MAPK4: variants seen among roughly 807,000 people sequenced by gnomAD.
The protein encoded by MAPK4 is Erk3-related.
MAPK4 carries 22 observed loss-of-function variants against 47.7 expected under a neutral mutation model. That is an observed-to-expected ratio of 0.46 (90% CI 0.33 to 0.66). MAPK4 has a LOEUF of 0.66. Among genes scored for constraint, MAPK4 ranks in the 30% least tolerant of loss-of-function variants. The pLI, the probability that MAPK4 is intolerant of heterozygous loss-of-function variation, is 0.02. For synonymous variants in MAPK4, 390 were observed against 365.7 expected, an observed-to-expected ratio of 1.07 and a Z score of -0.76; for missense variants, 736 against 831.7, an observed-to-expected ratio of 0.88 and a Z score of 1.42.
chr18:50,575,352 T>C (rs941997115), intron 1 of MAPK4, among the ~76,000 whole-genome samples: 2 of 152,202 alleles, frequency 1.3e-5, no homozygotes, highest in African/African-American at 4.8e-5. Flanking sequence ...TGACCCAGTC[T>C]CAGGTATTTT....
At chr18:50,640,758 A>G (rs2042934139) in intron 1 of MAPK4, among the ~76,000 whole-genome samples, 1 of 152,108 alleles carries the variant, frequency 6.6e-6, no homozygotes, top group Non-Finnish European at 1.5e-5. Context: ...GAGCCACCGC[A>G]CCCAGCCAGT....
rs1385306374 is a variant in MAPK4 at position 50,729,669 on chromosome 18, G to A, written c.1579G>A (p.Ala527Thr). ...RLSASPPGRPAPVDGGASPQF... is the reference protein window; with the variant it reads ...RLSASPPGRPTPVDGGASPQF... Reference sequence around the variant, plus strand: ...GTCTGCCTCGCCCCCCGGCCGCCCGGCCCCGGTGGACGGCGGCGCCAGCCC... The same window carrying A: ...GTCTGCCTCGCCCCCCGGCCGCCCGACCCCGGTGGACGGCGGCGCCAGCCC... The change falls in exon 6 of 6, where the codon GCC becomes ACC. Residue 527 changes from alanine to threonine, a missense_variant. Around this residue, in one of 3 missense-constraint regions of MAPK4, gnomAD observed 377 missense variants for 378.6 expected, o/e 1.00. Transcript: ENST00000400384. The A allele has an allele frequency of 7.2e-6, 11 of 1,520,420 alleles. No homozygotes were observed. The East Asian group carries it at 2.5e-4, about 35-fold the overall frequency. 94.2% of individuals were successfully genotyped at this position (1,520,420 alleles called of 1,614,324 possible). A position where few individuals can be genotyped will look rare whatever the true frequency, so the allele number is the denominator to read the frequency against.
intron 1 of MAPK4, among the ~76,000 whole-genome samples, chr18:50,640,455 T>C (rs2042930510): frequency 6.6e-6 from 1 of 152,040 alleles, no homozygotes; most frequent in African/African-American, 2.4e-5. Context: ...TCTTTTTTTA[T>C]CTTTCTTTTC....
intron 1 of MAPK4, among the ~76,000 whole-genome samples, chr18:50,621,014 A>G (rs1218259604): frequency 8.5e-5 from 13 of 152,206 alleles, no homozygotes; most frequent in Non-Finnish European, 1.9e-4. Flanking sequence ...GAAGAAAAAC[A>G]GTGCTTAACT....
At chr18:50,639,150 C>T (rs1299670661) in intron 1 of MAPK4, among the ~76,000 whole-genome samples, 1 of 152,166 alleles carries the variant, frequency 6.6e-6, no homozygotes, top group Non-Finnish European at 1.5e-5. Context: ...TGGAGAAAAA[C>T]ACAGCTAAAC....
intron 1 of MAPK4, among the ~76,000 whole-genome samples, chr18:50,653,935 G>A (rs199919830): frequency 3.3e-5 from 5 of 152,310 alleles, no homozygotes; most frequent in South Asian, 2.1e-4. Context: ...CATGGGCTCC[G>A]ACTGAGTGCC....
At position 50,607,062 on chromosome 18, in the gene MAPK4, C is replaced by T. The variant is rs551117195; in HGVS notation, c.-871+46819C>T. 7.2e-5 allele frequency among the ~76,000 whole-genome samples: 11 copies of T among 152,312 alleles called. No homozygotes were observed. In the South Asian group the frequency reaches 2.3e-3, roughly 32 times the overall value. ...ATGCTGTTTCTTACTGCAGCATAACCTCTCTCTGCGGAATGATACAGTATC... is the reference window on the plus strand; with the variant it reads ...ATGCTGTTTCTTACTGCAGCATAACTTCTCTCTGCGGAATGATACAGTATC... On this transcript the variant is annotated intron_variant, in intron 1 of 5. Coordinates refer to ENST00000400384, the MANE Select transcript of MAPK4 (RefSeq NM_002747.4).
intron 1 of MAPK4, among the ~76,000 whole-genome samples, chr18:50,564,427 A>T (rs1003221118): frequency 6.6e-6 from 1 of 152,202 alleles, no homozygotes; most frequent in Admixed American, 6.5e-5. Context: ...CCAAGTTGTG[A>T]CAACCCAAAA....
chr18:50,670,523 G>A (rs1012497367), intron 2 of MAPK4, among the ~76,000 whole-genome samples: 5 of 152,230 alleles, frequency 3.3e-5, no homozygotes, highest in East Asian at 1.9e-4. Flanking sequence ...CTGGGAAGCC[G>A]AGGTGGGCAG....
intron 1 of MAPK4, among the ~76,000 whole-genome samples, chr18:50,607,460 C>G (rs1339429395): frequency 1.3e-5 from 2 of 152,124 alleles, no homozygotes; most frequent in African/African-American, 2.4e-5. Context: ...CCCTTTGCTA[C>G]TTTGATCACT....
intron 1 of MAPK4, among the ~76,000 whole-genome samples, chr18:50,651,398 C>T (rs1252224834): frequency 6.6e-6 from 1 of 152,198 alleles, no homozygotes; most frequent in East Asian, 1.9e-4. Flanking sequence ...ACCATCAAGA[C>T]TAAGAGGGTT....
chr18:50,689,088 G>A (rs1053971348), intron 2 of MAPK4, among the ~76,000 whole-genome samples: 4 of 149,306 alleles, frequency 2.7e-5, no homozygotes, highest in Admixed American at 6.7e-5. Flanking sequence ...GCAAAACCCC[G>A]TCTCTACTAA....
chr18:50,590,491 A>C, intron 1 of MAPK4, among the ~76,000 whole-genome samples: 1 of 152,212 alleles, frequency 6.6e-6, no homozygotes, highest in East Asian at 1.9e-4. Context: ...CACTTGGATC[A>C]GAGCTGATCA....
intron 2 of MAPK4, among the ~76,000 whole-genome samples, chr18:50,714,048 T>A (rs1181348049): frequency 6.6e-6 from 1 of 152,186 alleles, no homozygotes; most frequent in East Asian, 1.9e-4. Context: ...CTGGCCTTCT[T>A]AACTTTTCAT....
At chr18:50,583,970 G>A (rs1396614506) in intron 1 of MAPK4, among the ~76,000 whole-genome samples, 1 of 152,138 alleles carries the variant, frequency 6.6e-6, no homozygotes, top group Admixed American at 6.5e-5. Context: ...GTGAATTGGG[G>A]GCATAAATGT....
intron 1 of MAPK4, among the ~76,000 whole-genome samples, chr18:50,605,963 C>T (rs1360470617): frequency 1.3e-5 from 2 of 150,856 alleles, no homozygotes; most frequent in East Asian, 2.0e-4. Context: ...TGGCTTGGTC[C>T]ACATGCTTTG....
At chr18:50,674,724 G>A (rs557749297) in intron 2 of MAPK4, among the ~76,000 whole-genome samples, 33 of 152,268 alleles carry the variant, frequency 2.2e-4, no homozygotes, top group South Asian at 6.2e-4. Flanking sequence ...TTATCCCCAC[G>A]TTACTGTGAT....
chr18:50,661,659 G>A (rs927299152), intron 1 of MAPK4, among the ~76,000 whole-genome samples: 8 of 152,130 alleles, frequency 5.3e-5, no homozygotes, highest in Admixed American at 6.5e-5. Flanking sequence ...TAGCAAATCC[G>A]GCCCTACCCA....
chr18:50,600,491 A>G (rs149760123), intron 1 of MAPK4, among the ~76,000 whole-genome samples: 1 of 152,298 alleles, frequency 6.6e-6, no homozygotes, highest in African/African-American at 2.4e-5. Context: ...ATCTTAAGAC[A>G]AAATGACGGG....
Sources: gnomAD v4.1 joint callset for allele counts (sites outside exome capture counted in the v4.1 genomes callset) on GRCh38, gnomAD v4.1.1 for gene constraint, gnomAD v4.1.1 regional missense constraint, MANE v1.5 for transcripts, NCBI Gene and HGNC (gene_info 2026-07-23, HGNC 2026-07-21) for gene names.